Variants in NELL1 observed in about 807,000 individuals in gnomAD.
NELL1 encodes the protein protein kinase C-binding protein NELL1.
A neutral mutation model predicts 107.4 loss-of-function variants in NELL1; 76 were observed. The observed-to-expected ratio is 0.71, with a 90% CI of 0.59 to 0.86. The LOEUF (loss-of-function observed/expected upper bound fraction) is 0.86, where lower values mean the gene tolerates loss of function less well. Among genes scored for constraint, NELL1 ranks in the 40% least tolerant of loss-of-function variants. NELL1 has a pLI of 0.00. For missense variants in NELL1, 1,024 were observed against 1,005.5 expected, an observed-to-expected ratio of 1.02 and a Z score of -0.25; for synonymous variants, 353 against 341.2, an observed-to-expected ratio of 1.03 and a Z score of -0.38.
Position 21,401,576 on chromosome 11 carries a change from C to T in NELL1, c.1645+30628C>T, listed in dbSNP as rs188996427. 2.3e-3 allele frequency among the ~76,000 whole-genome samples: 344 copies of T among 151,808 alleles called. 1 individual carries two copies. Among genetic ancestry groups the T allele is most frequent in the Non-Finnish European group, 3.3e-3 (225 of 67,898 alleles). ...ACACAAAAATGAGGCAGGGTTGGTT[C>T]ATCATCTCAGATCTGCTCCAAGGAT... On this transcript the variant is annotated intron_variant, in intron 15 of 19. Coordinates refer to ENST00000357134, the MANE Select transcript of NELL1 (RefSeq NM_006157.5).
intron 12 of NELL1, among the ~76,000 whole-genome samples, chr11:21,086,828 CTTT>C (rs35537964): frequency 1.8e-5 from 2 of 112,944 alleles, no homozygotes; most frequent in African/African-American, 3.4e-5. Context: ...CTTAATGGAT[CTTT>C]TTTTTTTTTT....
intron 3 of NELL1, among the ~76,000 whole-genome samples, chr11:20,822,340 C>T (rs1857774478): frequency 6.6e-6 from 1 of 152,206 alleles, no homozygotes; most frequent in Non-Finnish European, 1.5e-5. Context: ...GATGGTATAG[C>T]AGATGGAAGC....
intron 12 of NELL1, among the ~76,000 whole-genome samples, chr11:20,999,789 G>C (rs1852175139): frequency 6.7e-6 from 1 of 150,010 alleles, no homozygotes; most frequent in Non-Finnish European, 1.5e-5. Context: ...CTCTTGATTT[G>C]AATTTTCAGC....
chr11:20,929,668 A>G (rs1471144265), intron 9 of NELL1, among the ~76,000 whole-genome samples: 1 of 152,164 alleles, frequency 6.6e-6, no homozygotes, highest in Non-Finnish European at 1.5e-5. Context: ...TCTTCAGCAG[A>G]AGAAGTTGAA....
At chr11:21,270,016 ACT>A (rs1247256752) in intron 14 of NELL1, among the ~76,000 whole-genome samples, 4 of 151,776 alleles carry the variant, frequency 2.6e-5, no homozygotes, top group African/African-American at 9.7e-5. Flanking sequence ...TATATTGAAA[ACT>A]CTGTGGCAAT....
At chr11:21,303,927 T>C (rs1356049218) in intron 14 of NELL1, among the ~76,000 whole-genome samples, 2 of 151,862 alleles carry the variant, frequency 1.3e-5, no homozygotes, top group African/African-American at 2.4e-5. Context: ...CGTCCTCACA[T>C]GGTGGAAGGC....
chr11:20,704,075 T>C (rs1334617745), intron 2 of NELL1, among the ~76,000 whole-genome samples: 2 of 152,102 alleles, frequency 1.3e-5, no homozygotes, highest in African/African-American at 2.4e-5. Context: ...CTCTCTGTCT[T>C]GCTGATCTGT....
intron 16 of NELL1, among the ~76,000 whole-genome samples, chr11:21,545,925 G>C (rs1440057518): frequency 6.6e-6 from 1 of 151,922 alleles, no homozygotes; most frequent in East Asian, 1.9e-4. Flanking sequence ...AGGGCCTAGT[G>C]ATCTGTGTTT....
intron 13 of NELL1, among the ~76,000 whole-genome samples, chr11:21,218,950 G>T (rs1857685247): frequency 6.6e-6 from 1 of 152,052 alleles, no homozygotes; most frequent in Admixed American, 6.6e-5. Flanking sequence ...AGTAAATATG[G>T]GGGTGCAAAT....
chr11:21,022,726 A>G (rs1311755883), intron 12 of NELL1, among the ~76,000 whole-genome samples: 2 of 152,148 alleles, frequency 1.3e-5, no homozygotes, highest in Admixed American at 1.3e-4. Flanking sequence ...GACCTTGGCA[A>G]CATGCCTCCT....
intron 14 of NELL1, among the ~76,000 whole-genome samples, chr11:21,234,263 G>A (rs1362731421): frequency 6.6e-6 from 1 of 152,146 alleles, no homozygotes. Flanking sequence ...GAAATACAAA[G>A]CTTTGAAATT....
intron 12 of NELL1, among the ~76,000 whole-genome samples, chr11:21,053,076 C>A (rs1181535744): frequency 6.6e-6 from 1 of 152,140 alleles, no homozygotes; most frequent in East Asian, 1.9e-4. Context: ...CCCGTCCCAA[C>A]CTGAACAGTG....
chr11:20,748,802 T>C (rs1164365253), intron 2 of NELL1, among the ~76,000 whole-genome samples: 5 of 150,398 alleles, frequency 3.3e-5, no homozygotes, highest in Middle Eastern at 3.4e-3. Context: ...ATTTTCTTTA[T>C]CCACTCATCA....
chr11:20,957,610 A>G (rs542159059), intron 11 of NELL1, among the ~76,000 whole-genome samples: 59 of 152,354 alleles, frequency 3.9e-4, no homozygotes, highest in African/African-American at 1.4e-3. Flanking sequence ...AGAATTATCA[A>G]TATAAAATAT....
intron 2 of NELL1, among the ~76,000 whole-genome samples, chr11:20,732,884 T>C (rs1018889582): frequency 6.6e-6 from 1 of 152,176 alleles, no homozygotes; most frequent in Non-Finnish European, 1.5e-5. Context: ...TTTATTGAAA[T>C]GCCAGGTACC....
At chr11:20,908,725 A>T (rs752365176) in intron 5 of NELL1, among the ~76,000 whole-genome samples, 1 of 152,240 alleles carries the variant, frequency 6.6e-6, no homozygotes, top group Non-Finnish European at 1.5e-5. Flanking sequence ...TGATTAAAAA[A>T]GTTAAAAAAT....
intron 14 of NELL1, among the ~76,000 whole-genome samples, chr11:21,274,077 T>C (rs1848800855): frequency 6.6e-6 from 1 of 152,178 alleles, no homozygotes; most frequent in Non-Finnish European, 1.5e-5. Flanking sequence ...GTAAATGGAC[T>C]AAATGCTCCA....
At chr11:21,202,148 G>A (rs943789987) in intron 13 of NELL1, among the ~76,000 whole-genome samples, 27 of 152,328 alleles carry the variant, frequency 1.8e-4, no homozygotes, top group Middle Eastern at 3.4e-3. Flanking sequence ...CATAAAATGA[G>A]TTAGAGAGGA....
chr11:21,191,413 CAA>C (rs1042426490), intron 13 of NELL1, among the ~76,000 whole-genome samples: 4 of 151,756 alleles, frequency 2.6e-5, no homozygotes, highest in African/African-American at 7.3e-5. Flanking sequence ...AAAAACAAAA[CAA>C]AAGAGATATT....
Sources: gnomAD v4.1 joint callset for allele counts (sites outside exome capture counted in the v4.1 genomes callset) on GRCh38, gnomAD v4.1.1 for gene constraint, MANE v1.5 for transcripts, NCBI Gene and HGNC (gene_info 2026-07-23, HGNC 2026-07-21) for gene names.